The following RGR variants were observed in gnomAD, a reference collection of about 807,000 sequenced individuals.
The protein encoded by RGR is retinal G protein coupled receptor, also known as RPE-retinal G protein-coupled receptor.
RGR carries 30 observed loss-of-function variants against 28.6 expected under a neutral mutation model. The ratio of observed to expected loss-of-function variants is 1.05; its 90% CI spans 0.78 to 1.42. RGR has a LOEUF of 1.42. Ranked by LOEUF, RGR falls within the 40% of genes most tolerant of loss-of-function variation. RGR has a pLI of 0.00. For synonymous variants in RGR, 180 were observed against 156.4 expected (o/e 1.15, Z -1.13); for missense variants, 404 against 375.6 (o/e 1.08, Z -0.62).
chr10:84,248,929 C>T lies in RGR; in HGVS notation c.244C>T (p.Pro82Ser). 1 of 1,614,172 alleles carries T rather than the reference C, an allele frequency of 6.2e-7. No homozygotes were observed. The highest frequency in any genetic ancestry group is 8.5e-7 in the Non-Finnish European group (1 of 1,180,038). The change falls in exon 3 of 7, where the codon CCC (proline) becomes TCC (serine). Residue 82 changes from proline (P) to serine (S), a missense_variant. Coordinates refer to ENST00000652092, the MANE Select transcript of RGR (RefSeq NM_001012720.2). ...AATSSLLRRW[P>S]YGSDGCQAHG... The stretch of plus-strand genomic sequence containing the variant: ...GCCCAGTGTCTCCCACAGGCGCTGG[C>T]CCTACGGCTCGGACGGCTGCCAGGC...
intron 3 of RGR, among the ~76,000 whole-genome samples, chr10:84,252,031 G>A (rs1304416760): frequency 6.6e-6 from 1 of 152,194 alleles, no homozygotes; most frequent in Non-Finnish European, 1.5e-5. Context: ...AAAAACAGTA[G>A]ACAGAGGAGG....
rs1842734271 is a variant in RGR at position 84,245,284 on chromosome 10, G to A, written c.79+115G>A. ...GTCCCCAAACCCAGCTGGGTGTCCG[G>A]TCCCATTGGCTGCCTTCCCCTCTGT... On this transcript the variant is annotated intron_variant, in intron 1 of 6. Coordinates refer to ENST00000652092, the MANE Select transcript of RGR (RefSeq NM_001012720.2). The A allele has an allele frequency of 8.1e-6, 8 of 987,036 alleles. No individual in the cohort carries two copies. The Admixed American group carries it at 1.5e-4, about 18-fold the overall frequency. The allele number at this position is 987,036 out of a possible 1,614,324, so 61.1% of individuals were successfully genotyped here.
chr10:84,256,043 C>T (rs372097800), intron 5 of RGR, among the ~76,000 whole-genome samples: 604 of 44,702 alleles, frequency 0.014, no homozygotes, highest in Non-Finnish European at 0.017. Flanking sequence ...TTCTTTGTTT[C>T]TTTTTTTTTT....
Position 84,257,940 on chromosome 10 carries a change from C to T in RGR, c.678C>T (p.Pro226=). The change falls in exon 6 of 7, where the codon CCC becomes CCT. Residue 226 remains proline, a synonymous_variant. Transcript: ENST00000652092. ...GGACGCTGCTGCTCGGCTGGGGCCC[C>T]TATGCCATCCTGTATCTATACGCAG... ...PARTLLLGWG[P]YAILYLYAVI... 2 of 1,614,218 alleles carry T rather than the reference C, an allele frequency of 1.2e-6. No homozygotes were observed. Among genetic ancestry groups the T allele is most frequent in the Non-Finnish European group, 1.7e-6 (2 of 1,180,048 alleles).
chr10:84,252,018 C>CA (rs540093331), intron 3 of RGR, among the ~76,000 whole-genome samples: 16 of 152,070 alleles, frequency 1.1e-4, no homozygotes, highest in African/African-American at 3.6e-4. Context: ...AGGAGTATGA[C>CA]AAAAAAACAG....
intron 2 of RGR, chr10:84,248,462 G>A (rs567581957): frequency 1.8e-5 from 5 of 276,170 alleles, no homozygotes; most frequent in African/African-American, 8.8e-5. Context: ...CAGCCTGGGG[G>A]GTCTGCATCA....
Position 84,254,463 on chromosome 10 carries a change from G to A in RGR, c.630+20G>A, listed in dbSNP as rs533128134. The A allele has an allele frequency of 6.3e-7, 1 of 1,593,940 alleles. No homozygotes were observed. The highest frequency in any genetic ancestry group is 1.7e-5 in the Admixed American group (1 of 59,992). On this transcript the variant is annotated intron_variant, in intron 5 of 6. Coordinates refer to ENST00000652092, the MANE Select transcript of RGR (RefSeq NM_001012720.2). Reference sequence around the variant, plus strand: ...CTCCAGGTAAGGACCCCCTTCCGGAGTGTTATCTGATGGTGCAGCGCAGCT... The same window carrying A: ...CTCCAGGTAAGGACCCCCTTCCGGAATGTTATCTGATGGTGCAGCGCAGCT...
chr10:84,250,512 T>A, intron 3 of RGR: 1 of 623,880 alleles, frequency 1.6e-6, no homozygotes, highest in South Asian at 1.6e-5. Context: ...CCTTGGACCA[T>A]CTTATACACA....
chr10:84,248,864 G>C, intron 2 of RGR, 58 bp from the exon 3 acceptor site: 1 of 1,614,184 alleles, frequency 6.2e-7, no homozygotes, highest in Non-Finnish European at 8.5e-7. Context: ...GTACTTGGCA[G>C]GTGTGGGAGG....
chr10:84,255,455 T>C (rs1028610604), intron 5 of RGR: 5 of 152,346 alleles, frequency 3.3e-5, no homozygotes, highest in African/African-American at 1.2e-4. Context: ...AGATGTTTAA[T>C]TTAATCACAG....
chr10:84,247,826 AG>A, intron 2 of RGR, 79 bp downstream of exon 2: 1 of 1,605,992 alleles, frequency 6.2e-7, no homozygotes, highest in Non-Finnish European at 8.5e-7. Context: ...AGCCAGGCCA[AG>A]GGCATTTTTA....
chr10:84,250,597 A>T (rs960459588), intron 3 of RGR: 1 of 643,588 alleles, frequency 1.6e-6, no homozygotes, highest in Non-Finnish European at 2.9e-6. Flanking sequence ...CTCAATATAG[A>T]ACAGTTAATC....
chr10:84,253,691 C>T (rs1336958928), intron 4 of RGR, among the ~76,000 whole-genome samples: 2 of 152,210 alleles, frequency 1.3e-5, no homozygotes, highest in East Asian at 3.9e-4. Flanking sequence ...CACTGGATGA[C>T]AGGCTTTCCA....
intron 5 of RGR, among the ~76,000 whole-genome samples, chr10:84,256,338 G>A (rs1429882343): frequency 5.3e-5 from 8 of 151,962 alleles, no homozygotes; most frequent in African/African-American, 1.9e-4. Flanking sequence ...ACAGGTTTGA[G>A]CTATCGTGCC....
intron 4 of RGR, 76 bp from the exon 5 acceptor site, chr10:84,254,250 C>T: frequency 8.2e-7 from 1 of 1,218,612 alleles, no homozygotes; most frequent in South Asian, 1.2e-5. Flanking sequence ...TCATCTAGGG[C>T]AGAGCTGGTG....
chr10:84,258,415 T>C, intron 6 of RGR, 93 bp from the exon 7 acceptor site: 2 of 1,596,828 alleles, frequency 1.3e-6, no homozygotes, highest in Non-Finnish European at 1.7e-6. Context: ...TGATTGGCAG[T>C]TGTAGGTGGA....
In RGR at chr10:84,257,917, A is replaced by T. The variant is rs753998077; in HGVS notation, c.655A>T (p.Thr219Ser). ...GGTAAACACCACTCTGCCAGCAAGG[A>T]CGCTGCTGCTCGGCTGGGGCCCCTA... is the stretch of plus-strand genomic sequence containing the variant. ...LQVNTTLPAR[T>S]LLLGWGPYAI... Residue 219 changes from threonine to serine, a missense_variant, in exon 6 of 7, where the codon ACG (threonine) becomes TCG (serine). Transcript: ENST00000652092. 1 of 1,614,104 alleles carries T rather than the reference A, an allele frequency of 6.2e-7. No individual in the cohort carries two copies. Among genetic ancestry groups the T allele is most frequent in the South Asian group, 1.1e-5 (1 of 91,076 alleles).
chr10:84,253,806 C>T (rs1226598738), intron 4 of RGR, among the ~76,000 whole-genome samples: 2 of 152,164 alleles, frequency 1.3e-5, no homozygotes, highest in African/African-American at 4.8e-5. Context: ...TGGACGGCTC[C>T]AAGGTGACAT....
At chr10:84,247,450 A>G (rs1842760248) in intron 1 of RGR, 141 bp from the exon 2 acceptor site, 2 of 1,018,338 alleles carry the variant, frequency 2.0e-6, no homozygotes, top group East Asian at 4.8e-5. Flanking sequence ...TGACTGTTAT[A>G]GCATGAAGCA....
Sources: gnomAD v4.1 joint callset for allele counts (sites outside exome capture counted in the v4.1 genomes callset) on GRCh38, gnomAD v4.1.1 for gene constraint, MANE v1.5 for transcripts, NCBI Gene and HGNC (gene_info 2026-07-23, HGNC 2026-07-21) for gene names.